ZEB1: variants seen among roughly 807,000 people sequenced by gnomAD.
ZEB1 encodes the protein zinc finger E-box-binding homeobox 1.
Under a neutral mutation model 84.9 loss-of-function variants are expected in ZEB1, and 21 were observed. That is an observed-to-expected ratio of 0.25 (90% CI 0.18 to 0.36). The LOEUF (loss-of-function observed/expected upper bound fraction) is 0.36, where lower values mean the gene tolerates loss of function less well. ZEB1 is among the 10% of genes least tolerant of loss of function. The pLI is 1.00. For missense variants in ZEB1, 1,104 were observed against 1,330.2 expected (o/e 0.83, Z 2.65); for synonymous variants, 420 against 471.1 (o/e 0.89, Z 1.41).
chr10:31,503,524 T>C (rs557880015), intron 4 of ZEB1, among the ~76,000 whole-genome samples: 1 of 152,218 alleles, frequency 6.6e-6, no homozygotes, highest in South Asian at 2.1e-4. Flanking sequence ...AATAGTACTG[T>C]AATAAGCATG....
intron 1 of ZEB1, among the ~76,000 whole-genome samples, chr10:31,451,279 A>G (rs1591426937): frequency 6.6e-6 from 1 of 152,192 alleles, no homozygotes; most frequent in East Asian, 1.9e-4. Flanking sequence ...TTATAGTTGT[A>G]GTTAACTCCA....
In ZEB1 at chr10:31,527,441, A is replaced by ACG; in HGVS notation, c.*178_*179insGC. The ACG allele has an allele frequency of 2.7e-6, 2 of 745,490 alleles. No individual in the cohort carries two copies. 46.2% of individuals were successfully genotyped at this position (745,490 alleles called of 1,614,324 possible). On this transcript the variant is annotated 3_prime_UTR_variant, in exon 9 of 9. Transcript: ENST00000424869. ...CACACACACACACACACACACACAC[A>ACG]CACACACACACAAAATAAATCCGGG...
intron 1 of ZEB1, among the ~76,000 whole-genome samples, chr10:31,326,050 T>G (rs1448985247): frequency 6.6e-6 from 1 of 151,842 alleles, no homozygotes; most frequent in Non-Finnish European, 1.5e-5. Context: ...GAATCATATA[T>G]TTTTAATATG....
Position 31,527,020 on chromosome 10 carries a change from A to T in ZEB1, c.3134A>T (p.Asp1045Val), listed in dbSNP as rs962563471. The change falls in exon 9 of 9, where the codon GAT becomes GTT. Residue 1045 changes from aspartate to valine, a missense_variant. By Grantham distance (152) the Asp-to-Val change is radical. This residue lies in a region of ZEB1 where 173 missense variants were observed against 167.0 expected (regional missense o/e 1.04). Transcript: ENST00000424869. ...AGTGAAAAAGAGGAAGAGGAGGAGG[A>T]TAAAGAGATGGAAGAATTGCAGGAA... ...EDSEKEEEEE[D>V]KEMEELQEEK... 9 of 1,596,890 alleles carry T rather than the reference A, an allele frequency of 5.6e-6. No homozygotes were observed. Among genetic ancestry groups the T allele is most frequent in the African/African-American group, 4.0e-5 (3 of 74,428 alleles).
At chr10:31,361,230 G>C (rs2043013557) in intron 1 of ZEB1, 1 of 1,609,868 alleles carries the variant, frequency 6.2e-7, no homozygotes. Flanking sequence ...GTCTTGCTCT[G>C]TCACCAGGCT....
rs2072162004 is a variant in ZEB1, at chr10:31,520,825, C to T, written c.1493C>T (p.Pro498Leu). The change falls in exon 7 of 9, where the codon CCA becomes CTA. Residue 498 changes from proline (P) to leucine (L), a missense_variant. By Grantham distance (98) the Pro-to-Leu change is moderately conservative. Transcript: ENST00000424869. This position sits in a 1 kb window ranked among gnomAD's most constrained non-coding sequence, Gnocchi z 5.1. ...VVPQNLKKEN[P>L]VATNSCKSEK... The stretch of plus-strand genomic sequence containing the variant: ...CCTCAAAATTTAAAAAAAGAAAATC[C>T]AGTCGCTACAAACAGTTGTAAAAGT... The T allele has an allele frequency of 6.2e-7, 1 of 1,613,986 alleles. No homozygotes were observed. The highest frequency in any genetic ancestry group is 8.5e-7 in the Non-Finnish European group (1 of 1,179,970).
chr10:31,493,771 G>T (rs568621959), intron 2 of ZEB1, among the ~76,000 whole-genome samples: 6 of 152,012 alleles, frequency 3.9e-5, no homozygotes, highest in African/African-American at 1.4e-4. Flanking sequence ...GGTCTTAGTT[G>T]CTCAACCAAA....
At chr10:31,475,816 C>T (rs906131242) in intron 2 of ZEB1, among the ~76,000 whole-genome samples, 3 of 152,058 alleles carry the variant, frequency 2.0e-5, no homozygotes, top group Non-Finnish European at 4.4e-5. Context: ...AAGGATAATA[C>T]TCACCATCAT....
intron 1 of ZEB1, among the ~76,000 whole-genome samples, chr10:31,424,645 A>G (rs774253854): frequency 1.3e-5 from 2 of 152,010 alleles, no homozygotes; most frequent in Non-Finnish European, 2.9e-5. Context: ...GAAGTGATTA[A>G]AGAGGTGTGA....
Position 31,527,205 on chromosome 10 carries a change from G to A in ZEB1, c.3319G>A (p.Gly1107Arg). 1 of 1,611,646 alleles carries A rather than the reference G, an allele frequency of 6.2e-7. No individual in the cohort carries two copies. The highest frequency in any genetic ancestry group is 8.5e-7 in the Non-Finnish European group (1 of 1,178,966). Residue 1107 changes from glycine to arginine, a missense_variant, in exon 9 of 9, where the codon GGA becomes AGA. By Grantham distance (125) the Gly-to-Arg change is moderately radical. Coordinates refer to ENST00000424869, the MANE Select transcript of ZEB1 (RefSeq NM_001174096.2). ...GGCTGAAAGTCAAGCAAGCAGCTTAGGACAAAAAGTAGGCGAGAGTAGTGA... is the reference window on the plus strand; with the variant it reads ...GGCTGAAAGTCAAGCAAGCAGCTTAAGACAAAAAGTAGGCGAGAGTAGTGA... ...DRAESQASSL[G>R]QKVGESSEQV...
chr10:31,510,158 CAT>C (rs2069715153), intron 4 of ZEB1, among the ~76,000 whole-genome samples: 1 of 152,142 alleles, frequency 6.6e-6, no homozygotes, highest in African/African-American at 2.4e-5. Context: ...CTCTTGGAAA[CAT>C]AGTGTGTGTG....
intron 1 of ZEB1, among the ~76,000 whole-genome samples, chr10:31,357,353 G>A (rs1447656057): frequency 6.6e-6 from 1 of 152,168 alleles, no homozygotes; most frequent in African/African-American, 2.4e-5. Flanking sequence ...GTAGATGAGA[G>A]TGTAGTGGTT....
At chr10:31,460,345 A>C (rs2061674377) in intron 1 of ZEB1, among the ~76,000 whole-genome samples, 1 of 152,184 alleles carries the variant, frequency 6.6e-6, no homozygotes, top group Non-Finnish European at 1.5e-5. Context: ...TCAGAATGAC[A>C]AACTTAATTA....
intron 1 of ZEB1, chr10:31,320,550 GTTTA>G (rs2033674962): frequency 6.6e-6 from 1 of 152,104 alleles, no homozygotes; most frequent in Non-Finnish European, 1.5e-5. Flanking sequence ...CAGCTGCAGT[GTTTA>G]TTGATTTGTG....
At position 31,502,338 on chromosome 10, in the gene ZEB1, T is replaced by TC; in HGVS notation, c.323-10_323-9insC. 6.2e-7 allele frequency: 1 copy of TC among 1,600,458 alleles called. No homozygotes were observed. Among genetic ancestry groups the TC allele is most frequent in the Non-Finnish European group, 8.5e-7 (1 of 1,169,952 alleles). ...GAGATTGCTGTCTTAAAAGTATGCA[T>TC]TTTTTTTAGTAAAAGATGATGAATG... is the stretch of plus-strand genomic sequence containing the variant. On this transcript the variant is annotated splice_polypyrimidine_tract_variant and intron_variant, in intron 3 of 8. Transcript: ENST00000424869.
At chr10:31,414,059 G>A (rs532304296) in intron 1 of ZEB1, among the ~76,000 whole-genome samples, 2 of 152,102 alleles carry the variant, frequency 1.3e-5, no homozygotes, top group Admixed American at 6.5e-5. Flanking sequence ...TTGACTTATC[G>A]TTTCCTTTTA....
Position 31,428,948 on chromosome 10 carries a change from A to G in ZEB1, c.59-32089A>G, listed in dbSNP as rs114966296. On this transcript the variant is annotated intron_variant, in intron 1 of 8. Transcript: ENST00000424869. ...TCCTCATTCCCTTTATTTTGAGCCT[A>G]TGTGTGTCACTGCATGTGAGATGGA... 9.4e-3 allele frequency among the ~76,000 whole-genome samples: 1,428 copies of G among 152,140 alleles called. 23 individuals carry two copies. The highest frequency in any genetic ancestry group is 0.033 in the African/African-American group (1,365 of 41,492).
At chr10:31,506,492 A>T (rs2069001089) in intron 4 of ZEB1, among the ~76,000 whole-genome samples, 2 of 151,992 alleles carry the variant, frequency 1.3e-5, no homozygotes, top group Non-Finnish European at 2.9e-5. Context: ...CTCTTACTGA[A>T]TTGATTCCTT....
chr10:31,374,271 T>A (rs1351667375), intron 1 of ZEB1, among the ~76,000 whole-genome samples: 4 of 151,892 alleles, frequency 2.6e-5, no homozygotes, highest in African/African-American at 9.7e-5. Flanking sequence ...GGCCATGTTC[T>A]TAGCTGTTTT....
Sources: allele counts gnomAD v4.1 joint callset (sites outside exome capture counted in the v4.1 genomes callset), GRCh38; gene constraint gnomAD v4.1.1; regional missense constraint gnomAD v4.1.1; non-coding constraint Gnocchi (gnomAD v3.1); transcripts MANE v1.5; gene names NCBI Gene and HGNC (gene_info 2026-07-23, HGNC 2026-07-21).